Variants in SPON1 observed in about 807,000 individuals in gnomAD.
SPON1 encodes spondin 1.
In SPON1, 52 loss-of-function variants were observed where a neutral mutation model predicts 111.7. That is an observed-to-expected ratio of 0.47 (90% CI 0.37 to 0.59). The LOEUF (loss-of-function observed/expected upper bound fraction) is 0.59. Ranked by LOEUF, SPON1 falls within the 20% of genes least tolerant of loss-of-function variation. SPON1 has a pLI of 0.00. For synonymous variants in SPON1, 410 were observed against 395.8 expected, an observed-to-expected ratio of 1.04 and a Z score of -0.43; for missense variants, 957 against 1,068.5, an observed-to-expected ratio of 0.90 and a Z score of 1.46.
intron 1 of SPON1, among the ~76,000 whole-genome samples, chr11:13,970,000 G>A (rs1848050146): frequency 1.3e-5 from 2 of 152,236 alleles, no homozygotes; most frequent in South Asian, 4.1e-4. Flanking sequence ...GCATTGAATG[G>A]AGTAGCAAGT....
chr11:14,107,310 A>T lies in SPON1; in HGVS notation c.676+27289A>T, dbSNP rs1461962171. The stretch of plus-strand genomic sequence containing the variant: ...GGAAGAAGAGAAATAATGTTCCTTT[A>T]TCCGCCCACACACATTGATATTCAA... On this transcript the variant is annotated intron_variant, in intron 5 of 15. Transcript: ENST00000576479. 2.0e-5 allele frequency among the ~76,000 whole-genome samples: 3 copies of T among 152,102 alleles called. No individual in the cohort carries two copies. In the East Asian group the frequency reaches 5.8e-4, roughly 29 times the overall value.
At chr11:14,222,460 C>A (rs1279098191) in intron 6 of SPON1, among the ~76,000 whole-genome samples, 1 of 152,168 alleles carries the variant, frequency 6.6e-6, no homozygotes, top group Non-Finnish European at 1.5e-5. Context: ...GATTTCTGTG[C>A]CCCACCCAGA....
At chr11:13,987,131 A>G (rs1265004187) in intron 2 of SPON1, among the ~76,000 whole-genome samples, 8 of 152,196 alleles carry the variant, frequency 5.3e-5, no homozygotes, top group Non-Finnish European at 1.0e-4. Flanking sequence ...TCTTTGAGGA[A>G]TCACTACACT....
rs568384999 is a variant in SPON1 at position 14,262,549 on chromosome 11, A to G, written c.1997-163A>G. The G allele has an allele frequency of 6.9e-4, 622 of 896,392 alleles. 16 individuals carry two copies. The South Asian group carries it at 9.9e-3, about 14-fold the overall frequency. 55.5% of individuals were successfully genotyped at this position (896,392 alleles called of 1,614,324 possible). ...GCTGCTTACCAACCACACGGGCTGAAGTCAGCCTGCCTCTTTGGAGCCTCA... is the reference window on the plus strand; with the variant it reads ...GCTGCTTACCAACCACACGGGCTGAGGTCAGCCTGCCTCTTTGGAGCCTCA... On this transcript the variant is annotated intron_variant, in intron 14 of 15. Coordinates refer to ENST00000576479, the MANE Select transcript of SPON1 (RefSeq NM_006108.4).
intron 5 of SPON1, among the ~76,000 whole-genome samples, chr11:14,095,175 C>T (rs1174559133): frequency 2.0e-5 from 3 of 152,138 alleles, no homozygotes; most frequent in Non-Finnish European, 4.4e-5. Context: ...CACTAAGTCT[C>T]AAAATTACCT....
At chr11:14,160,052 G>C (rs1263622785) in intron 6 of SPON1, among the ~76,000 whole-genome samples, 1 of 151,920 alleles carries the variant, frequency 6.6e-6, no homozygotes, top group Non-Finnish European at 1.5e-5. Flanking sequence ...TAATTGGATT[G>C]TTTGTAACTC....
intron 6 of SPON1, among the ~76,000 whole-genome samples, chr11:14,213,022 A>T (rs1364507368): frequency 2.6e-5 from 4 of 151,838 alleles, no homozygotes; most frequent in Admixed American, 6.6e-5. Context: ...CTTGGGAGAG[A>T]CTCTTTTAAG....
At chr11:14,132,394 A>G (rs1227624951) in intron 5 of SPON1, among the ~76,000 whole-genome samples, 3 of 152,240 alleles carry the variant, frequency 2.0e-5, no homozygotes, top group Non-Finnish European at 4.4e-5. Context: ...AGAGAGAACC[A>G]TAAAGATAGG....
At chr11:14,238,877 G>T (rs1319554012) in intron 6 of SPON1, among the ~76,000 whole-genome samples, 1 of 152,226 alleles carries the variant, frequency 6.6e-6, no homozygotes, top group Non-Finnish European at 1.5e-5. Flanking sequence ...TCATCCAAAT[G>T]AACCATGAAC....
intron 2 of SPON1, among the ~76,000 whole-genome samples, chr11:13,995,441 A>T (rs143731491): frequency 1.1e-3 from 174 of 152,236 alleles, no homozygotes; most frequent in African/African-American, 4.1e-3. Context: ...GCAAAGGGGG[A>T]GCAGTCACCT....
chr11:13,964,025 A>T (rs1332354947), intron 1 of SPON1, among the ~76,000 whole-genome samples: 2 of 151,816 alleles, frequency 1.3e-5, no homozygotes, highest in African/African-American at 4.8e-5. Flanking sequence ...CTCAGGGAGG[A>T]GGTGTCCAAG....
chr11:14,145,531 T>C (rs1847707041), intron 6 of SPON1, among the ~76,000 whole-genome samples: 1 of 152,240 alleles, frequency 6.6e-6, no homozygotes, highest in Non-Finnish European at 1.5e-5. Flanking sequence ...ATCAAAATTA[T>C]ACGTTTTCTT....
At chr11:14,102,495 C>T (rs1341484091) in intron 5 of SPON1, among the ~76,000 whole-genome samples, 2 of 152,202 alleles carry the variant, frequency 1.3e-5, no homozygotes, top group African/African-American at 4.8e-5. Flanking sequence ...AGACTAGCCA[C>T]ATTTCAATCA....
chr11:13,978,604 C>G (rs1848120309), intron 1 of SPON1, among the ~76,000 whole-genome samples: 2 of 152,096 alleles, frequency 1.3e-5, no homozygotes, highest in Admixed American at 6.5e-5. Context: ...GAGGTAAGTG[C>G]TGTTACTATG....
intron 6 of SPON1, among the ~76,000 whole-genome samples, chr11:14,236,103 G>A (rs1554939210): frequency 1.3e-5 from 2 of 152,162 alleles, no homozygotes; most frequent in African/African-American, 2.4e-5. Context: ...GAGGATTTTG[G>A]CCAGAGGAAT....
At chr11:14,221,181 T>C (rs1388183728) in intron 6 of SPON1, among the ~76,000 whole-genome samples, 1 of 152,204 alleles carries the variant, frequency 6.6e-6, no homozygotes, top group African/African-American at 2.4e-5. Flanking sequence ...AAACCATGAA[T>C]GGTGATAGAT....
intron 6 of SPON1, among the ~76,000 whole-genome samples, chr11:14,153,521 A>T (rs1464321449): frequency 6.6e-6 from 1 of 152,160 alleles, no homozygotes; most frequent in Non-Finnish European, 1.5e-5. Context: ...CAGCAAGAGG[A>T]AAGTCCACCC....
At chr11:14,240,799 C>G (rs1022625271) in intron 6 of SPON1, among the ~76,000 whole-genome samples, 1 of 152,164 alleles carries the variant, frequency 6.6e-6, no homozygotes, top group Non-Finnish European at 1.5e-5. Flanking sequence ...CAAGAGCAAA[C>G]AGACTGTCAT....
intron 5 of SPON1, among the ~76,000 whole-genome samples, chr11:14,094,148 GTTGCAGTGAGCCGAGA>G (rs1182562524): frequency 6.6e-6 from 1 of 150,798 alleles, no homozygotes; most frequent in Non-Finnish European, 1.5e-5. Flanking sequence ...GGAGGCAGAG[GTTGCAGTGAGCCGAGA>G]TTGTACCACT....
Sources: allele counts gnomAD v4.1 joint callset (sites outside exome capture counted in the v4.1 genomes callset), GRCh38; gene constraint gnomAD v4.1.1; transcripts MANE v1.5; gene names NCBI Gene and HGNC (gene_info 2026-07-23, HGNC 2026-07-21).